Variants in PPEF1 observed in about 807,000 individuals in gnomAD.
PPEF1 encodes the protein serine/threonine-protein phosphatase with EF-hands 1.
A neutral mutation model predicts 53.3 loss-of-function variants in PPEF1; 12 were observed. The observed-to-expected ratio is 0.23, with a 90% CI of 0.14 to 0.36. The LOEUF (loss-of-function observed/expected upper bound fraction) is 0.36, where lower values mean the gene tolerates loss of function less well. PPEF1 is among the 10% of genes least tolerant of loss of function. The pLI is 1.00. For missense variants in PPEF1, 334 were observed against 490.4 expected (o/e 0.68, Z 3.01); for synonymous variants, 165 against 176.7 (o/e 0.93, Z 0.52).
chrX:18,723,199 G>A (rs1292684782), intron 1 of PPEF1, among the ~76,000 whole-genome samples: 2 of 110,990 alleles, frequency 1.8e-5, no homozygotes, highest in East Asian at 5.6e-4. Flanking sequence ...TGGCCAGGCT[G>A]CTCTCAAACT....
chrX:18,715,115 G>A (rs1217567633), intron 1 of PPEF1, among the ~76,000 whole-genome samples: 1 of 111,944 alleles, frequency 8.9e-6, no homozygotes, highest in Admixed American at 9.5e-5. Context: ...ACTCACGCCT[G>A]TAATCCCAAC....
At chrX:18,770,017 C>T (rs1051466454) in intron 6 of PPEF1, among the ~76,000 whole-genome samples, 5 of 111,689 alleles carry the variant, frequency 4.5e-5, no homozygotes, top group Non-Finnish European at 9.4e-5. Flanking sequence ...CATCTGAGTG[C>T]AGTTCAGAGT....
At chrX:18,775,110 C>T (rs1288639101) in intron 6 of PPEF1, among the ~76,000 whole-genome samples, 1 of 109,054 alleles carries the variant, frequency 9.2e-6, no homozygotes, top group African/African-American at 3.3e-5. Context: ...TTTGATTTTA[C>T]TCAAAATGAT....
intron 6 of PPEF1, among the ~76,000 whole-genome samples, chrX:18,766,375 G>A (rs1419434181): frequency 9.0e-6 from 1 of 111,459 alleles, no homozygotes; most frequent in Non-Finnish European, 1.9e-5. Context: ...TTGCATGGAT[G>A]TACTGTGGCC....
At position 18,718,447 on chromosome X, in the gene PPEF1, C is replaced by G. The variant is rs765778108; in HGVS notation, c.46+10621C>G. Among the ~76,000 whole-genome samples, 451 of 110,647 alleles carry G rather than the reference C, an allele frequency of 4.1e-3. 2 individuals carry two copies. The highest frequency in any genetic ancestry group is 6.7e-3 in the Non-Finnish European group (355 of 52,887). ...AATAGCTGGACATGGTGGCTCGCACCTGTAGTCCCAGCTACATAGGAGGCT... is the reference window on the plus strand; with the variant it reads ...AATAGCTGGACATGGTGGCTCGCACGTGTAGTCCCAGCTACATAGGAGGCT... On this transcript the variant is annotated intron_variant, in intron 1 of 15. Coordinates refer to ENST00000470157, the MANE Select transcript of PPEF1 (RefSeq NM_001377996.1).
intron 14 of PPEF1, 66 bp downstream of exon 14, chrX:18,824,152 C>G (rs780612166): frequency 1.9e-6 from 2 of 1,060,691 alleles, no homozygotes; most frequent in Non-Finnish European, 2.5e-6. Context: ...CTTTGAAAAG[C>G]TGGGAGTGGC....
chrX:18,823,909 A>G lies in PPEF1; in HGVS notation c.1502-14A>G. 1 of 1,201,490 alleles carries G rather than the reference A, an allele frequency of 8.3e-7. No homozygotes were observed. The highest frequency in any genetic ancestry group is 1.1e-6 in the Non-Finnish European group (1 of 889,423). ...TTTAACAAATCATTTGGGCTTTGTT[A>G]TTGTTGTTGTTAGGAAAACTTTCTG... is the stretch of plus-strand genomic sequence containing the variant. On this transcript the variant is annotated splice_polypyrimidine_tract_variant and intron_variant, in intron 13 of 15. Transcript: ENST00000470157.
At chrX:18,826,521 C>T (rs941331029) in intron 15 of PPEF1, among the ~76,000 whole-genome samples, 6 of 99,032 alleles carry the variant, frequency 6.1e-5, no homozygotes, top group Non-Finnish European at 1.2e-4. Context: ...CTCTGCCTCC[C>T]GGGTTCAAGC....
chrX:18,741,922 C>T (rs1012735470), intron 3 of PPEF1, among the ~76,000 whole-genome samples: 1 of 109,009 alleles, frequency 9.2e-6, no homozygotes, highest in Admixed American at 9.9e-5. Context: ...TCATGCCTCC[C>T]GAGTAGCTGG....
At chrX:18,715,138 G>A (rs185165779) in intron 1 of PPEF1, among the ~76,000 whole-genome samples, 2,167 of 111,569 alleles carry the variant, frequency 0.019, 49 homozygotes, top group African/African-American at 0.063. Flanking sequence ...TTTGAGAGGC[G>A]GGTGAATCAC....
intron 4 of PPEF1, among the ~76,000 whole-genome samples, chrX:18,697,543 G>A (rs1039596416): frequency 4.5e-5 from 5 of 110,685 alleles, no homozygotes; most frequent in Non-Finnish European, 5.7e-5. Flanking sequence ...GAAGCCTTCC[G>A]TCATCCCCCT....
intron 5 of PPEF1, chrX:18,699,903 T>C (rs888801991): frequency 8.0e-5 from 9 of 113,018 alleles, no homozygotes; most frequent in Non-Finnish European, 1.5e-4. Context: ...AGAGTGCTTT[T>C]CTGCTCTTAT....
intron 6 of PPEF1, among the ~76,000 whole-genome samples, chrX:18,770,506 T>G (rs760296092): frequency 3.5e-4 from 39 of 111,663 alleles, no homozygotes; most frequent in Non-Finnish European, 7.0e-4. Flanking sequence ...TTATCACAAG[T>G]CTTAATCTCT....
rs568576251 is a variant in PPEF1 at position 18,810,953 on chromosome X, T to A, written c.1394+4408T>A. 8.1e-3 allele frequency among the ~76,000 whole-genome samples: 913 copies of A among 112,724 alleles called. 6 individuals are homozygous for A. Among genetic ancestry groups the A allele is most frequent in the African/African-American group, 0.028 (878 of 31,050 alleles). On this transcript the variant is annotated intron_variant, in intron 12 of 15. Coordinates refer to ENST00000470157, the MANE Select transcript of PPEF1 (RefSeq NM_001377996.1). ...TTAACATTTTGAGAAACTTGCAAAC[T>A]TTTTTCCCAAGAAGCTAACCAGTTT... is the stretch of plus-strand genomic sequence containing the variant.
chrX:18,823,837 A>G, intron 13 of PPEF1, 86 bp from the exon 14 acceptor site: 2 of 1,041,120 alleles, frequency 1.9e-6, no homozygotes, highest in Non-Finnish European at 2.6e-6. Flanking sequence ...AGCTGGCCCC[A>G]TGCTGCCCTG....
At chrX:18,771,482 G>A (rs2045868914) in intron 6 of PPEF1, among the ~76,000 whole-genome samples, 1 of 111,676 alleles carries the variant, frequency 9.0e-6, no homozygotes, top group South Asian at 3.7e-4. Flanking sequence ...CAAGGAGCCA[G>A]ACTTTTTTTC....
chrX:18,791,561 G>A (rs767684814), intron 10 of PPEF1, among the ~76,000 whole-genome samples: 2 of 112,073 alleles, frequency 1.8e-5, no homozygotes, highest in Non-Finnish European at 1.9e-5. Context: ...TTTGATAAAC[G>A]TATTAGTTCT....
At chrX:18,693,734 T>C (rs994599434) in intron 4 of PPEF1, among the ~76,000 whole-genome samples, 2 of 111,475 alleles carry the variant, frequency 1.8e-5, no homozygotes, top group African/African-American at 6.5e-5. Flanking sequence ...GCCTGGCTAA[T>C]TTTTTGTGTT....
rs1381918892 is a variant in PPEF1, at chrX:18,827,574, A to C, written c.*87A>C. ...CCTTTCCAACACCCCTGAAATTCAT[A>C]GTCAGTAGCAGAGAAAAGCAGATCC... On this transcript the variant is annotated 3_prime_UTR_variant, in exon 16 of 16. Coordinates refer to ENST00000470157, the MANE Select transcript of PPEF1 (RefSeq NM_001377996.1). 12 of 754,791 alleles carry C rather than the reference A, an allele frequency of 1.6e-5. No homozygotes were observed. The highest frequency in any genetic ancestry group is 2.4e-5 in the Non-Finnish European group (12 of 509,701). The allele number at this position is 754,791 out of a possible 1,213,427, so 62.2% of individuals were successfully genotyped here.
Sources: allele counts gnomAD v4.1 joint callset (sites outside exome capture counted in the v4.1 genomes callset), GRCh38; gene constraint gnomAD v4.1.1; transcripts MANE v1.5; gene names NCBI Gene and HGNC (gene_info 2026-07-23, HGNC 2026-07-21).